MORC3: variants seen among roughly 807,000 people sequenced by gnomAD.
The protein encoded by MORC3 is MORC family CW-type zinc finger 3.
MORC3 carries 31 observed loss-of-function variants against 109.1 expected under a neutral mutation model. The ratio of observed to expected loss-of-function variants is 0.28; its 90% confidence interval spans 0.21 to 0.38. The LOEUF is 0.38. MORC3 is among the 10% of genes least tolerant of loss of function. The pLI is 1.00. For missense variants in MORC3, 867 were observed against 1,135.8 expected (o/e 0.76, Z 3.40); for synonymous variants, 395 against 380.7 (o/e 1.04, Z -0.44).
rs1201751809 is a variant in MORC3 at position 36,362,245 on chromosome 21, T to TC, written c.1452+17_1452+18insC. 15 of 1,340,102 alleles carry TC rather than the reference T, an allele frequency of 1.1e-5. No individual in the cohort carries two copies. Among genetic ancestry groups the TC allele is most frequent in the Non-Finnish European group, 1.5e-5 (15 of 983,682 alleles). The allele number at this position is 1,340,102 out of a possible 1,614,324, so 83.0% of individuals were successfully genotyped here. Reference sequence around the variant, plus strand: ...ATCCCTCGGGTAATTAAGCCTTCTTTTTTTTTTTTTTTTTTAAATAGAGAT... The same window carrying TC: ...ATCCCTCGGGTAATTAAGCCTTCTTTCTTTTTTTTTTTTTTTAAATAGAGAT... On this transcript the variant is annotated intron_variant, in intron 13 of 16. Coordinates refer to ENST00000400485, the MANE Select transcript of MORC3 (RefSeq NM_015358.3).
intron 1 of MORC3, among the ~76,000 whole-genome samples, chr21:36,330,970 A>C (rs2085308213): frequency 6.6e-6 from 1 of 152,202 alleles, no homozygotes; most frequent in South Asian, 2.1e-4. Flanking sequence ...GCAAGTCTAA[A>C]TTGCATATAT....
chr21:36,362,564 A>G (rs1011332272), intron 13 of MORC3, among the ~76,000 whole-genome samples: 1 of 150,262 alleles, frequency 6.7e-6, no homozygotes, highest in Non-Finnish European at 1.5e-5. Context: ...TAAAATAGGG[A>G]TGGGGTCTCA....
chr21:36,321,515 T>A (rs1039142439), intron 1 of MORC3, among the ~76,000 whole-genome samples: 1 of 152,154 alleles, frequency 6.6e-6, no homozygotes, highest in East Asian at 1.9e-4. Flanking sequence ...GCTTTAGTAG[T>A]TTGAAAATAG....
intron 1 of MORC3, among the ~76,000 whole-genome samples, chr21:36,327,688 T>C (rs1267600297): frequency 6.6e-6 from 1 of 151,302 alleles, no homozygotes; most frequent in Non-Finnish European, 1.5e-5. Context: ...TTATCTGTCA[T>C]ACCAGTTGAT....
At chr21:36,334,077 G>T (rs866192946) in intron 2 of MORC3, among the ~76,000 whole-genome samples, 21 of 151,948 alleles carry the variant, frequency 1.4e-4, no homozygotes, top group African/African-American at 5.1e-4. Flanking sequence ...GTGAGCCACC[G>T]CACCCGGCCT....
intron 9 of MORC3, among the ~76,000 whole-genome samples, chr21:36,353,510 G>A (rs1012837064): frequency 2.0e-5 from 3 of 151,788 alleles, no homozygotes; most frequent in African/African-American, 7.3e-5. Context: ...GGAGGCTGAT[G>A]TGGGTAGATC....
rs552519574 is a variant in MORC3, at chr21:36,333,774, T to G, written c.112+56T>G. ...GTTGCTTACAATTGTAGTGTTTTTT[T>G]TTTTGTTTTGTTTTGTTTTTTTTTT... On this transcript the variant is annotated intron_variant, in intron 2 of 16. Transcript: ENST00000400485. 1.1e-3 allele frequency: 1,510 copies of G among 1,395,942 alleles called. 7 individuals are homozygous for G. The highest frequency in any genetic ancestry group is 5.7e-3 in the African/African-American group (348 of 60,850). The allele number at this position is 1,395,942 out of a possible 1,614,324, so 86.5% of individuals were successfully genotyped here.
chr21:36,324,397 C>T (rs2085226357), intron 1 of MORC3, among the ~76,000 whole-genome samples: 2 of 151,840 alleles, frequency 1.3e-5, no homozygotes, highest in Admixed American at 6.6e-5. Context: ...CCTGCCTCAG[C>T]CTCCCGAGTA....
At chr21:36,366,461 A>G (rs933567956) in intron 14 of MORC3, among the ~76,000 whole-genome samples, 18 of 151,426 alleles carry the variant, frequency 1.2e-4, no homozygotes, top group Non-Finnish European at 2.1e-4. Context: ...TGATTAAACA[A>G]CTTTTTTTTT....
intron 1 of MORC3, among the ~76,000 whole-genome samples, chr21:36,328,131 C>A (rs1015718980): frequency 1.3e-5 from 2 of 152,056 alleles, no homozygotes; most frequent in African/African-American, 4.8e-5. Context: ...CCTGCCGCGG[C>A]CTCCCAAAGT....
At chr21:36,325,127 G>T (rs755014027) in intron 1 of MORC3, among the ~76,000 whole-genome samples, 1 of 152,188 alleles carries the variant, frequency 6.6e-6, no homozygotes, top group Non-Finnish European at 1.5e-5. Flanking sequence ...GAGTCATTTT[G>T]TTGGGGGTGC....
chr21:36,349,082 G>A (rs987187468), intron 8 of MORC3, among the ~76,000 whole-genome samples: 4 of 151,884 alleles, frequency 2.6e-5, no homozygotes, highest in Admixed American at 1.3e-4. Flanking sequence ...GAGCTTGGGC[G>A]GTCTCTTGGT....
intron 2 of MORC3, among the ~76,000 whole-genome samples, chr21:36,334,364 G>C (rs1464757699): frequency 6.6e-6 from 1 of 152,156 alleles, no homozygotes; most frequent in Non-Finnish European, 1.5e-5. Flanking sequence ...TACTACCCAA[G>C]TATTTCATAG....
chr21:36,330,911 A>G (rs965537910), intron 1 of MORC3, among the ~76,000 whole-genome samples: 7 of 152,212 alleles, frequency 4.6e-5, no homozygotes, highest in Admixed American at 2.6e-4. Flanking sequence ...TGAGTTACCT[A>G]TACTCCATAT....
chr21:36,366,144 A>G (rs1296140509), intron 14 of MORC3, among the ~76,000 whole-genome samples: 1 of 152,168 alleles, frequency 6.6e-6, no homozygotes, highest in African/African-American at 2.4e-5. Context: ...GCTATTGAGC[A>G]TAGTACCCAA....
At chr21:36,367,446 AT>A (rs772611524) in intron 14 of MORC3, among the ~76,000 whole-genome samples, 17 of 152,364 alleles carry the variant, frequency 1.1e-4, no homozygotes, top group Non-Finnish European at 2.2e-4. Flanking sequence ...AGAAGAAAAC[AT>A]TGTGAAATTT....
intron 14 of MORC3, among the ~76,000 whole-genome samples, chr21:36,366,598 A>G (rs2085784301): frequency 6.6e-6 from 1 of 151,994 alleles, no homozygotes; most frequent in Non-Finnish European, 1.5e-5. Flanking sequence ...GAGATTACAA[A>G]TGTACACCGC....
intron 1 of MORC3, among the ~76,000 whole-genome samples, chr21:36,332,938 TCAC>T (rs1323827044): frequency 6.6e-6 from 1 of 151,498 alleles, no homozygotes; most frequent in Non-Finnish European, 1.5e-5. Context: ...CAGGCGCCCA[TCAC>T]CACGCCCAGG....
intron 1 of MORC3, among the ~76,000 whole-genome samples, chr21:36,328,129 G>A (rs573364996): frequency 4.0e-5 from 6 of 151,840 alleles, no homozygotes; most frequent in East Asian, 1.9e-4. Context: ...CACCTGCCGC[G>A]GCCTCCCAAA....
Sources: gnomAD v4.1 joint callset for allele counts (sites outside exome capture counted in the v4.1 genomes callset) on GRCh38, gnomAD v4.1.1 for gene constraint, MANE v1.5 for transcripts, NCBI Gene and HGNC (gene_info 2026-07-23, HGNC 2026-07-21) for gene names.